Variants in SLC61A1 observed in about 807,000 individuals in gnomAD.
The protein encoded by SLC61A1 is major facilitator superfamily domain containing 5.
chr12:53,253,382 G>A, the SLC61A1 span: 1 of 1,614,256 alleles, frequency 6.2e-7, no homozygotes, highest in Non-Finnish European at 8.5e-7. Flanking sequence ...TGTGCTGGCT[G>A]TAGTGGCAGG....
the SLC61A1 span, chr12:53,252,510 G>A: frequency 2.2e-6 from 3 of 1,354,160 alleles, no homozygotes; most frequent in Non-Finnish European, 2.8e-6. Flanking sequence ...TACGGGAGCT[G>A]CTGTGGGAAA....
chr12:53,252,073 G>A, the SLC61A1 span: 2 of 1,465,344 alleles, frequency 1.4e-6, no homozygotes, highest in East Asian at 5.0e-5. Flanking sequence ...GCGGGGCGGG[G>A]TTTTGGCGCC....
chr12:53,251,726 C>T, the SLC61A1 span: 8 of 1,533,478 alleles, frequency 5.2e-6, no homozygotes, highest in Non-Finnish European at 7.0e-6. Context: ...ATACTGGCTT[C>T]TCTTGCATGG....
chr12:53,252,164 G>T, the SLC61A1 span: 1 of 1,432,370 alleles, frequency 7.0e-7, no homozygotes, highest in Non-Finnish European at 9.1e-7. Flanking sequence ...TGAGGGGCGG[G>T]AGCGCTGCTG....
At chr12:53,252,041 G>C in the SLC61A1 span, 2 of 1,366,930 alleles carry the variant, frequency 1.5e-6, no homozygotes, top group Non-Finnish European at 1.9e-6. Flanking sequence ...CCCGGGTAAG[G>C]GAAGGAGGGC....
At chr12:53,253,241 C>T in the SLC61A1 span, 11 of 1,614,140 alleles carry the variant, frequency 6.8e-6, no homozygotes, top group Middle Eastern at 1.6e-4. Flanking sequence ...GGGGCGAGCA[C>T]TTGGTGGGCT....
the SLC61A1 span, chr12:53,251,451 A>C: frequency 2.2e-6 from 1 of 444,592 alleles, no homozygotes. Context: ...AGTTTTTCCA[A>C]GGTAAAACAG....
chr12:53,252,806 C>T, the SLC61A1 span: 5 of 1,611,280 alleles, frequency 3.1e-6, no homozygotes, highest in East Asian at 2.2e-5. Context: ...TGACTCCCAC[C>T]TCTCTTCCCA....
the SLC61A1 span, chr12:53,254,170 C>T: frequency 3.1e-6 from 5 of 1,613,826 alleles, no homozygotes; most frequent in Non-Finnish European, 4.2e-6. Flanking sequence ...CTGAGGAGCC[C>T]TATGCCCCTG....
the SLC61A1 span, chr12:53,253,985 C>A: frequency 1.9e-6 from 3 of 1,614,178 alleles, no homozygotes; most frequent in Non-Finnish European, 2.5e-6. Context: ...GTTCCGGGTA[C>A]CTCTGCACTC....
chr12:53,253,039 G>C, the SLC61A1 span: 1 of 1,614,076 alleles, frequency 6.2e-7, no homozygotes, highest in African/African-American at 1.3e-5. Flanking sequence ...AACTCTACCA[G>C]CATTACTACT....
At chr12:53,253,912 C>T in the SLC61A1 span, 3 of 1,614,220 alleles carry the variant, frequency 1.9e-6, no homozygotes, top group South Asian at 1.1e-5. Flanking sequence ...TATACTTTCC[C>T]AGCATGAGCT....
At chr12:53,252,059 C>T in the SLC61A1 span, 2 of 177,664 alleles carry the variant, frequency 1.1e-5, no homozygotes, top group South Asian at 7.7e-5. Context: ...GGCGGGCGGG[C>T]GGGGCGGGGC....
At chr12:53,253,979 C>T in the SLC61A1 span, 9 of 1,614,186 alleles carry the variant, frequency 5.6e-6, no homozygotes, top group Non-Finnish European at 7.6e-6. Flanking sequence ...CAACTGGTTC[C>T]GGGTACCTCT....
At chr12:53,251,377 A>T in the SLC61A1 span, 1 of 228,122 alleles carries the variant, frequency 4.4e-6, no homozygotes, top group South Asian at 7.6e-5. Context: ...TTTTACCCTT[A>T]GTGAGATGGG....
At chr12:53,253,019 T>C in the SLC61A1 span, 1 of 1,614,222 alleles carries the variant, frequency 6.2e-7, no homozygotes, top group Non-Finnish European at 8.5e-7. Flanking sequence ...TCAGGCCCCC[T>C]ACCTCTATAA....
At chr12:53,252,139 C>A in the SLC61A1 span, 5 of 1,438,948 alleles carry the variant, frequency 3.5e-6, no homozygotes, top group South Asian at 4.4e-5. Context: ...CTGCCCGGCT[C>A]CCGGAAGCAG....
chr12:53,251,804 C>T, the SLC61A1 span: 3 of 1,537,290 alleles, frequency 2.0e-6, no homozygotes, highest in South Asian at 3.6e-5. Context: ...GGTGCTGTTC[C>T]TTAGGAAGCT....
chr12:53,251,964 G>A, the SLC61A1 span: 5 of 1,536,912 alleles, frequency 3.3e-6, no homozygotes, highest in Non-Finnish European at 4.4e-6. Context: ...GGCCAGGCCA[G>A]GAGAAGCAAC....
Sources: gnomAD v4.1 joint callset for allele counts on GRCh38, gnomAD v4.1.1 for gene constraint, MANE v1.5 for transcripts, NCBI Gene and HGNC (gene_info 2026-07-23, HGNC 2026-07-21) for gene names.